Variants in THSD4 observed in about 807,000 individuals in gnomAD.
THSD4 encodes the protein thrombospondin type-1 domain-containing protein 4.
A neutral mutation model predicts 119.0 loss-of-function variants in THSD4; 69 were observed. That is an observed-to-expected ratio of 0.58 (90% confidence interval 0.48 to 0.71). The LOEUF is 0.71. THSD4 is among the 30% of genes least tolerant of loss of function. The pLI is 0.00. For missense variants in THSD4, 1,393 were observed against 1,391.1 expected, an observed-to-expected ratio of 1.00 and a Z score of -0.02; for synonymous variants, 524 against 540.4, an observed-to-expected ratio of 0.97 and a Z score of 0.42.
intron 7 of THSD4, among the ~76,000 whole-genome samples, chr15:71,659,733 G>A (rs2051263871): frequency 6.6e-6 from 1 of 152,108 alleles, no homozygotes; most frequent in Non-Finnish European, 1.5e-5. Context: ...TTGTGTGTGC[G>A]ACATAAAATG....
intron 1 of THSD4, among the ~76,000 whole-genome samples, chr15:71,132,855 G>T (rs2040516352): frequency 6.6e-6 from 1 of 152,228 alleles, no homozygotes; most frequent in African/African-American, 2.4e-5. Flanking sequence ...CACCAGAGTG[G>T]CAAGAGGCCA....
rs78451651 is a variant in THSD4, at chr15:71,246,076, T to C, written c.912+2980T>C. ...ATTCCTACTGAAAGAGGAAAAGGTATACAGATGCCGAGCTTTGACACGGAG... is the reference window on the plus strand; with the variant it reads ...ATTCCTACTGAAAGAGGAAAAGGTACACAGATGCCGAGCTTTGACACGGAG... On this transcript the variant is annotated intron_variant, in intron 5 of 17. Coordinates refer to ENST00000261862, the MANE Select transcript of THSD4 (RefSeq NM_024817.3). Among the ~76,000 whole-genome samples the C allele has an allele frequency of 3.5e-4, 54 of 152,298 alleles. 1 individual carries two copies. The East Asian group carries it at 8.7e-3, about 24-fold the overall frequency.
intron 7 of THSD4, among the ~76,000 whole-genome samples, chr15:71,554,785 T>C (rs2048993025): frequency 6.6e-6 from 1 of 152,062 alleles, no homozygotes; most frequent in Non-Finnish European, 1.5e-5. Flanking sequence ...AGCTCTTTAG[T>C]GGAGTGATGG....
chr15:71,608,574 AC>A (rs1404270180), intron 7 of THSD4, among the ~76,000 whole-genome samples: 1 of 152,110 alleles, frequency 6.6e-6, no homozygotes, highest in East Asian at 1.9e-4. Flanking sequence ...TTATAAACAT[AC>A]TTGTCTTTAA....
intron 7 of THSD4, among the ~76,000 whole-genome samples, chr15:71,437,679 A>G (rs1015898102): frequency 5.3e-5 from 8 of 152,202 alleles, no homozygotes; most frequent in Admixed American, 6.5e-5. Context: ...CAGTTAATAT[A>G]CTGGTACATG....
intron 7 of THSD4, among the ~76,000 whole-genome samples, chr15:71,497,428 G>A (rs1005836016): frequency 8.6e-5 from 13 of 151,912 alleles, no homozygotes; most frequent in African/African-American, 2.7e-4. Flanking sequence ...CAGGAGAATC[G>A]CTTGAGCCTG....
At chr15:71,116,003 G>C (rs1291097078) in intron 1 of THSD4, among the ~76,000 whole-genome samples, 1 of 152,214 alleles carries the variant, frequency 6.6e-6, no homozygotes, top group Non-Finnish European at 1.5e-5. Flanking sequence ...TTAAACTCTA[G>C]GGACAATCCA....
At chr15:71,518,517 T>G (rs2048393172) in intron 7 of THSD4, among the ~76,000 whole-genome samples, 1 of 152,168 alleles carries the variant, frequency 6.6e-6, no homozygotes, top group Non-Finnish European at 1.5e-5. Context: ...GACTTTAATC[T>G]TAGTAAAGTT....
At chr15:71,711,275 T>A (rs1036509811) in intron 8 of THSD4, among the ~76,000 whole-genome samples, 1 of 151,888 alleles carries the variant, frequency 6.6e-6, no homozygotes, top group Admixed American at 6.6e-5. Context: ...AAACCGAAGG[T>A]ACAGAAAATT....
chr15:71,415,462 G>A (rs1422103752), intron 7 of THSD4, among the ~76,000 whole-genome samples: 1 of 152,046 alleles, frequency 6.6e-6, no homozygotes, highest in Non-Finnish European at 1.5e-5. Context: ...TTTGATACAG[G>A]CAAACAATAT....
chr15:71,512,124 G>C (rs1056789034), intron 7 of THSD4, among the ~76,000 whole-genome samples: 2 of 152,160 alleles, frequency 1.3e-5, no homozygotes, highest in Non-Finnish European at 2.9e-5. Context: ...AACCGCCCAG[G>C]CTGAACACAT....
chr15:71,655,438 G>A lies in THSD4; in HGVS notation c.1153-5092G>A, dbSNP rs569157178. Among the ~76,000 whole-genome samples the A allele has an allele frequency of 2.1e-4, 32 of 152,286 alleles. No homozygotes were observed. In the South Asian group the frequency reaches 5.6e-3, roughly 27 times the overall value. ...GTAGTAGAAAGTGTTACAGAAGTAC[G>A]GGTGGGTCCGGGTGGTTGTATGATG... On this transcript the variant is annotated intron_variant, in intron 7 of 17. Coordinates refer to ENST00000261862, the MANE Select transcript of THSD4 (RefSeq NM_024817.3).
chr15:71,284,120 G>C (rs939472744), intron 6 of THSD4, among the ~76,000 whole-genome samples: 1 of 152,144 alleles, frequency 6.6e-6, no homozygotes, highest in Non-Finnish European at 1.5e-5. Context: ...GTGGCCCCAA[G>C]TAGTACAAAG....
In THSD4 at chr15:71,180,396, G is replaced by A. The variant is rs373275399; in HGVS notation, c.99+25464G>A. 2.6e-5 allele frequency among the ~76,000 whole-genome samples: 4 copies of A among 152,246 alleles called. No individual in the cohort carries two copies. The East Asian group carries it at 5.8e-4, about 22-fold the overall frequency. On this transcript the variant is annotated intron_variant, in intron 3 of 17. Coordinates refer to ENST00000261862, the MANE Select transcript of THSD4 (RefSeq NM_024817.3). ...ATGTCCAATAAGCACATTAAAAGATGCTCAATGTTTAGGAGGGATGATAGT... is the reference window on the plus strand; with the variant it reads ...ATGTCCAATAAGCACATTAAAAGATACTCAATGTTTAGGAGGGATGATAGT...
Position 71,779,864 on chromosome 15 carries a change from A to G in THSD4, c.*2490A>G, listed in dbSNP as rs1045853509. The G allele has an allele frequency of 2.6e-5, 4 of 151,628 alleles. No individual in the cohort carries two copies. The highest frequency in any genetic ancestry group is 9.7e-5 in the African/African-American group (4 of 41,284). The allele number at this position is 151,628 out of a possible 1,614,324, so 9.4% of individuals were successfully genotyped here. ...GGGGTCTCTTTTTTTTTTTCAACAAACCATTGAGCTGTTCTTGGAGTTCAT... is the reference window on the plus strand; with the variant it reads ...GGGGTCTCTTTTTTTTTTTCAACAAGCCATTGAGCTGTTCTTGGAGTTCAT... On this transcript the variant is annotated 3_prime_UTR_variant, in exon 18 of 18. Transcript: ENST00000261862.
chr15:71,726,656 G>A (rs890417461), intron 8 of THSD4, among the ~76,000 whole-genome samples: 4 of 152,154 alleles, frequency 2.6e-5, no homozygotes, highest in African/African-American at 7.2e-5. Context: ...CAGGACCTTC[G>A]GCTGGGCGCA....
At chr15:71,537,354 T>A (rs1285221920) in intron 7 of THSD4, among the ~76,000 whole-genome samples, 2 of 152,106 alleles carry the variant, frequency 1.3e-5, no homozygotes, top group Admixed American at 1.3e-4. Context: ...AGATTCTCAT[T>A]AAGAGAAAGA....
intron 6 of THSD4, among the ~76,000 whole-genome samples, chr15:71,410,728 T>A (rs988098093): frequency 6.6e-6 from 1 of 152,090 alleles, no homozygotes; most frequent in Non-Finnish European, 1.5e-5. Context: ...TGCGTAGATA[T>A]TAAGTTTAAA....
At chr15:71,279,799 C>G (rs1284364187) in intron 6 of THSD4, among the ~76,000 whole-genome samples, 1 of 150,602 alleles carries the variant, frequency 6.6e-6, no homozygotes, top group Non-Finnish European at 1.5e-5. Context: ...AAAAAAAACA[C>G]AAAGATTGCT....
Sources: gnomAD v4.1 joint callset for allele counts (sites outside exome capture counted in the v4.1 genomes callset) on GRCh38, gnomAD v4.1.1 for gene constraint, MANE v1.5 for transcripts, NCBI Gene and HGNC (gene_info 2026-07-23, HGNC 2026-07-21) for gene names.